VSIR: variants seen among roughly 807,000 people sequenced by gnomAD.
VSIR encodes V-type immunoglobulin domain-containing suppressor of T-cell activation.
In VSIR, 10 loss-of-function variants were observed where a neutral mutation model predicts 31.0. The ratio of observed to expected loss-of-function variants is 0.32; its 90% confidence interval spans 0.20 to 0.55. The LOEUF is 0.55. Ranked by LOEUF, VSIR falls within the 20% of genes least tolerant of loss-of-function variation. The pLI, the probability that VSIR is intolerant of heterozygous loss-of-function variation, is 0.93. For synonymous variants in VSIR, 179 were observed against 180.1 expected (o/e 0.99, Z 0.05); for missense variants, 356 against 416.2 (o/e 0.86, Z 1.26).
intron 1 of VSIR, among the ~76,000 whole-genome samples, chr10:71,773,032 G>T (rs1354645447): frequency 6.6e-6 from 1 of 152,232 alleles, no homozygotes; most frequent in Non-Finnish European, 1.5e-5. Flanking sequence ...CCCACCCTGT[G>T]CCTCTCCTTC....
At chr10:71,755,922 G>A (rs1341323781) in intron 3 of VSIR, among the ~76,000 whole-genome samples, 1 of 152,130 alleles carries the variant, frequency 6.6e-6, no homozygotes, top group Non-Finnish European at 1.5e-5. Flanking sequence ...TGTAATTAAT[G>A]CCACCAAACT....
intron 1 of VSIR, among the ~76,000 whole-genome samples, chr10:71,764,039 G>A (rs566421899): frequency 1.3e-5 from 2 of 152,336 alleles, no homozygotes; most frequent in African/African-American, 2.4e-5. Flanking sequence ...GGTGAGCAGA[G>A]ATTTCAGAAC....
At position 71,751,893 on chromosome 10, in the gene VSIR, T is replaced by A. The variant is rs1160497614; in HGVS notation, c.705-32A>T. On this transcript the variant is annotated intron_variant, in intron 5 of 6. Coordinates refer to ENST00000394957, the MANE Select transcript of VSIR (RefSeq NM_022153.2). The surrounding 1 kb of genome is among the most constrained non-coding windows in gnomAD (Gnocchi z 4.9). ...CAGAACCAGAATGGAAGGTCATCTG[T>A]GCTGTCCGGAGCGTGAACTCTGCCC... 1.3e-6 allele frequency: 2 copies of A among 1,543,784 alleles called. No individual in the cohort carries two copies. The highest frequency in any genetic ancestry group is 4.6e-5 in the East Asian group (2 of 43,762).
rs146895861 is a variant in VSIR, at chr10:71,756,141, T to C, written c.569-675A>G. ...TGTACAATGTTTTTCAATTTTAAAC[T>C]TATTAAACTACCAAAAAAAGTACAA... On this transcript the variant is annotated intron_variant, in intron 3 of 6. Transcript: ENST00000394957. Among the ~76,000 whole-genome samples the C allele has an allele frequency of 4.3e-3, 649 of 152,240 alleles. 3 individuals are homozygous for C. The highest frequency in any genetic ancestry group is 0.015 in the African/African-American group (605 of 41,544).
chr10:71,763,901 T>C (rs1564782531), intron 1 of VSIR, among the ~76,000 whole-genome samples: 3 of 152,124 alleles, frequency 2.0e-5, no homozygotes, highest in Admixed American at 1.3e-4. Flanking sequence ...TGTGATCCGA[T>C]CCTGGGGCGC....
Position 71,747,662 on chromosome 10 carries a change from A to T in VSIR, c.*3591T>A. 1 of 152,378 alleles carries T rather than the reference A, an allele frequency of 6.6e-6. No individual in the cohort carries two copies. The highest frequency in any genetic ancestry group is 1.5e-5 in the Non-Finnish European group (1 of 68,040). 9.4% of individuals were successfully genotyped at this position (152,378 alleles called of 1,614,324 possible). A position where few individuals can be genotyped will look rare whatever the true frequency, so the allele number is the denominator to read the frequency against. On this transcript the variant is annotated 3_prime_UTR_variant, in exon 7 of 7. Transcript: ENST00000394957. Reference sequence around the variant, plus strand: ...AGCAATAAAACCTCCCAGGATTTTCAGGGAAGGGGGTGGATCAAACAAGTT... The same window carrying T: ...AGCAATAAAACCTCCCAGGATTTTCTGGGAAGGGGGTGGATCAAACAAGTT...
intron 4 of VSIR, among the ~76,000 whole-genome samples, chr10:71,753,600 C>T (rs1840060883): frequency 2.0e-5 from 3 of 152,212 alleles, no homozygotes; most frequent in Non-Finnish European, 2.9e-5. Context: ...TCACTTTCTG[C>T]TTCTCATCCA....
chr10:71,764,748 T>C (rs1840489431), intron 1 of VSIR, among the ~76,000 whole-genome samples: 2 of 152,188 alleles, frequency 1.3e-5, no homozygotes, highest in African/African-American at 4.8e-5. Flanking sequence ...GAGTTTGTGA[T>C]GAATGAGTGT....
chr10:71,757,257 A>G (rs1486691565), intron 3 of VSIR, among the ~76,000 whole-genome samples: 1 of 152,198 alleles, frequency 6.6e-6, no homozygotes, highest in Admixed American at 6.5e-5. Flanking sequence ...CCTGTTCCCT[A>G]TCTGCCTTTG....
intron 1 of VSIR, among the ~76,000 whole-genome samples, chr10:71,771,409 C>CTTT (rs961859138): frequency 6.6e-6 from 1 of 152,260 alleles, no homozygotes; most frequent in Non-Finnish European, 1.5e-5. Context: ...GGCATAAAGG[C>CTTT]TTTGACCTTG....
chr10:71,751,777 C>T lies in VSIR; in HGVS notation c.789G>A (p.Leu263=), dbSNP rs749432318. 1.2e-6 allele frequency: 2 copies of T among 1,602,112 alleles called. No homozygotes were observed. Among genetic ancestry groups the T allele is most frequent in the South Asian group, 1.1e-5 (1 of 90,018 alleles). The change falls in exon 6 of 7, where the codon CTG becomes CTA. Residue 263 remains leucine (L), a synonymous_variant. Coordinates refer to ENST00000394957, the MANE Select transcript of VSIR (RefSeq NM_022153.2). This position sits in a 1 kb window ranked among gnomAD's most constrained non-coding sequence, Gnocchi z 4.9. Reference sequence around the variant, plus strand: ...AAGGCTGCCGCTGGGCCACATAGGACAGGGGGTGCCTGACTTTGGCCTCGG... The same window carrying T: ...AAGGCTGCCGCTGGGCCACATAGGATAGGGGGTGCCTGACTTTGGCCTCGG... ...GIPEAKVRHP[L]SYVAQRQPSE...
At chr10:71,768,308 C>T (rs966820714) in intron 1 of VSIR, among the ~76,000 whole-genome samples, 18 of 152,018 alleles carry the variant, frequency 1.2e-4, no homozygotes, top group African/African-American at 4.1e-4. Context: ...GTAGCTGGGA[C>T]TACAGGCACC....
intron 5 of VSIR, among the ~76,000 whole-genome samples, chr10:71,752,422 C>T (rs556100126): frequency 5.9e-5 from 9 of 152,278 alleles, no homozygotes; most frequent in South Asian, 4.1e-4. Flanking sequence ...TTGCAGGTAC[C>T]GGGGCAGGAA....
chr10:71,768,139 G>A (rs1462229865), intron 1 of VSIR, among the ~76,000 whole-genome samples: 2 of 152,182 alleles, frequency 1.3e-5, no homozygotes, highest in Admixed American at 6.5e-5. Context: ...CATTCTAAGT[G>A]CTTGTTTGTT....
chr10:71,751,715 G>T lies in VSIR; in HGVS notation c.851C>A (p.Thr284Asn), dbSNP rs903240052. The stretch of plus-strand genomic sequence containing the variant: ...TCCGGGGCCTGGAGGAGACAGGGGG[G>T]TGCTGGGCTCCGAAAGCAGATGCCG... ...SGRHLLSEPS[T>N]PLSPPGPGDV... The change falls in exon 6 of 7, where the codon ACC becomes AAC. Residue 284 changes from threonine to asparagine, a missense_variant. Physicochemically the swap from Thr to Asn is moderately conservative, Grantham distance 65. Around this residue, in one of 2 missense-constraint regions of VSIR, gnomAD observed 190 missense variants for 185.2 expected, o/e 1.03. Transcript: ENST00000394957. The surrounding 1 kb of genome is among the most constrained non-coding windows in gnomAD (Gnocchi z 4.9). The T allele has an allele frequency of 6.3e-7, 1 of 1,577,364 alleles. No homozygotes were observed. The highest frequency in any genetic ancestry group is 1.4e-5 in the African/African-American group (1 of 73,610).
intron 1 of VSIR, among the ~76,000 whole-genome samples, chr10:71,770,640 C>A (rs999761959): frequency 6.6e-6 from 1 of 152,184 alleles, no homozygotes; most frequent in Non-Finnish European, 1.5e-5. Flanking sequence ...TCACTGCCAA[C>A]GGGTTCTCCT....
At chr10:71,756,961 C>G (rs781272919) in intron 3 of VSIR, among the ~76,000 whole-genome samples, 1 of 152,260 alleles carries the variant, frequency 6.6e-6, no homozygotes, top group Non-Finnish European at 1.5e-5. Context: ...GAAGTACCCA[C>G]TGGTACAGGA....
rs763658833 is a variant in VSIR, at chr10:71,761,802, C to T, written c.307G>A (p.Gly103Ser). Residue 103 changes from glycine to serine, a missense_variant, in exon 2 of 7, where the codon GGC becomes AGC. By Grantham distance (56) the Gly-to-Ser change is moderately conservative. Transcript: ENST00000394957. ...TGGCTGGTGTTGGCAGCCTGGTGGC[C>T]TCCATGGTGCAGGTGAAGGTCCTGG... ...TFQDLHLHHG[G>S]HQAANTSHDL... 4 of 1,614,142 alleles carry T rather than the reference C, an allele frequency of 2.5e-6. 1 individual carries two copies. Among genetic ancestry groups the T allele is most frequent in the Non-Finnish European group, 3.4e-6 (4 of 1,180,026 alleles).
At chr10:71,764,338 T>G (rs1283417485) in intron 1 of VSIR, among the ~76,000 whole-genome samples, 1 of 152,132 alleles carries the variant, frequency 6.6e-6, no homozygotes. Context: ...CGTAACTCAC[T>G]GATGATCACA....
Sources: gnomAD v4.1 joint callset for allele counts (sites outside exome capture counted in the v4.1 genomes callset) on GRCh38, gnomAD v4.1.1 for gene constraint, gnomAD v4.1.1 regional missense constraint, Gnocchi (gnomAD v3.1) non-coding constraint, MANE v1.5 for transcripts, NCBI Gene and HGNC (gene_info 2026-07-23, HGNC 2026-07-21) for gene names.